SENP7: variants seen among roughly 807,000 people sequenced by gnomAD.
SENP7 encodes SUMO specific peptidase 7, also known as sentrin-specific protease 7.
In SENP7, 64 loss-of-function variants were observed where a neutral mutation model predicts 141.2. That is an observed-to-expected ratio of 0.45 (90% CI 0.37 to 0.56). The LOEUF (loss-of-function observed/expected upper bound fraction) is 0.56. Among genes scored for constraint, SENP7 ranks in the 20% least tolerant of loss-of-function variants. SENP7 has a pLI of 0.00. For synonymous variants in SENP7, 382 were observed against 426.4 expected (o/e 0.90, Z 1.28); for missense variants, 1,025 against 1,212.2 (o/e 0.85, Z 2.29).
chr3:101,450,735 G>C (rs1352628832), intron 4 of SENP7, among the ~76,000 whole-genome samples: 2 of 152,168 alleles, frequency 1.3e-5, no homozygotes, highest in South Asian at 2.1e-4. Flanking sequence ...GAAATTTATA[G>C]CACTAAATGC....
intron 7 of SENP7, among the ~76,000 whole-genome samples, chr3:101,368,541 G>A (rs571330238): frequency 5.3e-5 from 7 of 131,658 alleles, no homozygotes; most frequent in Non-Finnish European, 9.3e-5. Flanking sequence ...ACACTTGGAC[G>A]CAGGAAAGGG....
intron 4 of SENP7, among the ~76,000 whole-genome samples, chr3:101,446,323 A>C (rs2062893186): frequency 6.6e-6 from 1 of 152,180 alleles, no homozygotes; most frequent in Non-Finnish European, 1.5e-5. Context: ...TCTTTATAGC[A>C]ATGTGAGAAT....
At chr3:101,365,047 T>TA (rs2059999580) in intron 9 of SENP7, 56 bp from the exon 10 acceptor site, 3 of 1,189,616 alleles carry the variant, frequency 2.5e-6, no homozygotes. Flanking sequence ...TTTATTTATT[T>TA]TTTGAGACAC....
Position 101,360,631 on chromosome 3 carries a change from G to C in SENP7, c.1623+1084C>G, listed in dbSNP as rs13317164. 5.0e-3 allele frequency among the ~76,000 whole-genome samples: 758 copies of C among 152,274 alleles called. 4 individuals carry two copies. The highest frequency in any genetic ancestry group is 0.017 in the African/African-American group (727 of 41,550). On this transcript the variant is annotated intron_variant, in intron 11 of 23. Transcript: ENST00000394095. ...ACAAACATTTAAGTGCCTGCTTAGA[G>C]TGGAAACATTTATGGAAGCTATAAA...
chr3:101,394,731 T>G (rs2060919184), intron 6 of SENP7, among the ~76,000 whole-genome samples: 1 of 152,094 alleles, frequency 6.6e-6, no homozygotes, highest in Admixed American at 6.5e-5. Context: ...CCATACTGCT[T>G]TCCATAATAG....
chr3:101,511,449 G>C (rs2065853905), intron 1 of SENP7, among the ~76,000 whole-genome samples: 1 of 152,136 alleles, frequency 6.6e-6, no homozygotes, highest in Non-Finnish European at 1.5e-5. Context: ...TAGGAAGCCC[G>C]CAAATGACAC....
At chr3:101,463,400 T>TAC (rs1553744825) in intron 3 of SENP7, among the ~76,000 whole-genome samples, 26 of 77,990 alleles carry the variant, frequency 3.3e-4, no homozygotes, top group African/African-American at 5.1e-4. Context: ...TATATATACA[T>TAC]ATATATATAT....
chr3:101,403,424 A>G (rs2061209333), intron 5 of SENP7, among the ~76,000 whole-genome samples: 1 of 152,252 alleles, frequency 6.6e-6, no homozygotes, highest in African/African-American at 2.4e-5. Flanking sequence ...AACATGAAGA[A>G]CCCAACGCTC....
intron 4 of SENP7, among the ~76,000 whole-genome samples, chr3:101,456,418 A>T (rs1358359662): frequency 6.6e-6 from 1 of 152,100 alleles, no homozygotes; most frequent in Admixed American, 6.6e-5. Flanking sequence ...TGTATTTTTA[A>T]TTCAATTTCT....
chr3:101,332,735 T>C (rs751172366), intron 18 of SENP7, 35 bp downstream of exon 18: 13 of 1,386,068 alleles, frequency 9.4e-6, no homozygotes, highest in Middle Eastern at 4.8e-4. Flanking sequence ...TCTGAATTCT[T>C]TCCAATATGT....
Position 101,332,127 on chromosome 3 carries a change from C to T in SENP7, c.2574-18G>A, listed in dbSNP as rs1423697452. On this transcript the variant is annotated intron_variant, in intron 18 of 23. Transcript: ENST00000394095. ...AGTGAGACCTGTTGAAAAAGAACTACAATCTTAATACCATGCAAAGTCTAA... is the reference window on the plus strand; with the variant it reads ...AGTGAGACCTGTTGAAAAAGAACTATAATCTTAATACCATGCAAAGTCTAA... The T allele has an allele frequency of 1.2e-6, 2 of 1,610,832 alleles. No individual in the cohort carries two copies. The highest frequency in any genetic ancestry group is 1.7e-6 in the Non-Finnish European group (2 of 1,178,032).
rs1277314626 is a variant in SENP7, at chr3:101,366,564, T to C, written c.1184A>G (p.Glu395Gly). 6.2e-7 allele frequency: 1 copy of C among 1,613,974 alleles called. No individual in the cohort carries two copies. The highest frequency in any genetic ancestry group is 1.1e-5 in the South Asian group (1 of 91,076). Residue 395 changes from glutamate to glycine, a missense_variant, in exon 9 of 24, where the codon GAG (glutamate) becomes GGG (glycine). Transcript: ENST00000394095. ...ASAGSTTETV[E>G]NSNSIDIVGI... is the part of the protein sequence containing the mutation. ...CACAATATCAATGGAATTAGAGTTC[T>C]CAACGGTTTCAGTGGTTGAACCGGC...
chr3:101,421,464 T>C (rs963497214), intron 4 of SENP7, among the ~76,000 whole-genome samples: 3 of 152,212 alleles, frequency 2.0e-5, no homozygotes, highest in African/African-American at 7.2e-5. Context: ...CTTAGGTATT[T>C]GCTAAATTAT....
intron 12 of SENP7, among the ~76,000 whole-genome samples, chr3:101,350,473 G>A (rs1292556910): frequency 6.6e-6 from 1 of 152,006 alleles, no homozygotes; most frequent in African/African-American, 2.4e-5. Flanking sequence ...AGGACTTGAG[G>A]AAGAAGACTA....
chr3:101,451,564 G>A (rs536133337), intron 4 of SENP7, among the ~76,000 whole-genome samples: 8 of 152,224 alleles, frequency 5.3e-5, no homozygotes, highest in Non-Finnish European at 1.0e-4. Context: ...TTCAACATAC[G>A]AAAATCAATA....
chr3:101,347,739 G>GA, intron 13 of SENP7, 133 bp downstream of exon 13: 1 of 379,802 alleles, frequency 2.6e-6, no homozygotes, highest in Non-Finnish European at 4.4e-6. Context: ...AAAAAAAAAA[G>GA]AAACAAAATT....
chr3:101,487,143 T>C lies in SENP7; in HGVS notation c.186+6730A>G, dbSNP rs747896887. Reference sequence around the variant, plus strand: ...AACAATTACTAATAGACCTAAGAAATGAAATAGACAGCAACGTAATATTAG... The same window carrying C: ...AACAATTACTAATAGACCTAAGAAACGAAATAGACAGCAACGTAATATTAG... On this transcript the variant is annotated intron_variant, in intron 3 of 23. Coordinates refer to ENST00000394095, the MANE Select transcript of SENP7 (RefSeq NM_020654.5). Among the ~76,000 whole-genome samples, 85 of 152,050 alleles carry C rather than the reference T, an allele frequency of 5.6e-4. No homozygotes were observed. In the Middle Eastern group the frequency reaches 0.01, roughly 18 times the overall value.
intron 16 of SENP7, among the ~76,000 whole-genome samples, chr3:101,338,167 A>T (rs1372375949): frequency 6.6e-6 from 1 of 151,944 alleles, no homozygotes; most frequent in East Asian, 1.9e-4. Flanking sequence ...AAAAAAAAAA[A>T]AATTAAAAAA....
intron 3 of SENP7, among the ~76,000 whole-genome samples, chr3:101,466,030 A>G (rs936397725): frequency 1.3e-5 from 2 of 152,166 alleles, no homozygotes; most frequent in African/African-American, 4.8e-5. Flanking sequence ...AATTAAGCAG[A>G]AGAATTTCTG....
Sources: allele counts gnomAD v4.1 joint callset (sites outside exome capture counted in the v4.1 genomes callset), GRCh38; gene constraint gnomAD v4.1.1; transcripts MANE v1.5; gene names NCBI Gene and HGNC (gene_info 2026-07-23, HGNC 2026-07-21).